DNAH2: variants seen among roughly 807,000 people sequenced by gnomAD.
DNAH2 encodes the protein dynein axonemal heavy chain 2.
Under a neutral mutation model 523.5 loss-of-function variants are expected in DNAH2, and 323 were observed. That is an observed-to-expected ratio of 0.62 (90% CI 0.56 to 0.68). The LOEUF is 0.68. DNAH2 is among the 30% of genes least tolerant of loss of function. The pLI is 0.00. For synonymous variants in DNAH2, 2,093 were observed against 2,177.4 expected (o/e 0.96, Z 1.08); for missense variants, 4,907 against 5,701.5 (o/e 0.86, Z 4.49).
intron 2 of DNAH2, 115 bp from the exon 3 acceptor site, chr17:7,723,513 C>G: frequency 2.5e-6 from 2 of 789,140 alleles, no homozygotes; most frequent in African/African-American, 3.4e-5. Flanking sequence ...CTCAGGTGAT[C>G]CTCCCGCCTA....
Position 7,776,786 on chromosome 17 carries a change from T to A in DNAH2, c.4955T>A (p.Ile1652Asn), listed in dbSNP as rs1167851189. Residue 1652 changes from isoleucine (I) to asparagine (N), a missense_variant, in exon 32 of 86, where the codon ATC (isoleucine) becomes AAC (asparagine). Ile to Asn is a moderately radical substitution (Grantham distance 149). This residue lies in a region of DNAH2 where 2,806 missense variants were observed against 3,190.8 expected (regional missense o/e 0.88). Coordinates refer to ENST00000572933, the MANE Select transcript of DNAH2 (RefSeq NM_020877.5). Reference sequence around the variant, plus strand: ...GCTTCTGCACATCCCCAGGTGGTGATCACTGCCAGTCAGATCCAGTGGACG... The same window carrying A: ...GCTTCTGCACATCCCCAGGTGGTGAACACTGCCAGTCAGATCCAGTGGACG... ...WVKEWAGQVV[I>N]TASQIQWTAD... 1 of 1,612,156 alleles carries A rather than the reference T, an allele frequency of 6.2e-7. No individual in the cohort carries two copies. The highest frequency in any genetic ancestry group is 8.5e-7 in the Non-Finnish European group (1 of 1,178,842).
In DNAH2 at chr17:7,794,300, C is replaced by A. The variant is rs1238214414; in HGVS notation, c.7616C>A (p.Thr2539Asn). Reference protein sequence around the residue: ...AAMGPPGGGRTVISPRLRSRF... With the variant: ...AAMGPPGGGRNVISPRLRSRF... Reference sequence around the variant, plus strand: ...ATGGGCCCCCCTGGGGGTGGACGGACTGTCATCTCCCCAAGGCTACGGAGT... The same window carrying A: ...ATGGGCCCCCCTGGGGGTGGACGGAATGTCATCTCCCCAAGGCTACGGAGT... Residue 2539 changes from threonine to asparagine, a missense_variant, in exon 49 of 86, where the codon ACT becomes AAT. Transcript: ENST00000572933. The A allele has an allele frequency of 3.7e-6, 6 of 1,610,320 alleles. No individual in the cohort carries two copies. In the African/African-American group the frequency reaches 6.7e-5, roughly 18 times the overall value.
rs900091887 is a variant in DNAH2, at chr17:7,771,475, G to A, written c.4501+7G>A. 3 of 1,613,640 alleles carry A rather than the reference G, an allele frequency of 1.9e-6. No homozygotes were observed. The highest frequency in any genetic ancestry group is 1.3e-5 in the African/African-American group (1 of 74,908). On this transcript the variant is annotated splice_region_variant and intron_variant, in intron 28 of 85. Coordinates refer to ENST00000572933, the MANE Select transcript of DNAH2 (RefSeq NM_020877.5). ...CGGAGCACCCATCACCCAGGTCAGA[G>A]CTCCAGGGCTCCTGCCCTGACACAG...
At chr17:7,731,694 G>A (rs112905434) in intron 4 of DNAH2, among the ~76,000 whole-genome samples, 2,394 of 151,914 alleles carry the variant, frequency 0.016, 36 homozygotes, top group African/African-American at 0.033. Flanking sequence ...TATATTTAAC[G>A]TATGTCATCT....
At position 7,733,098 on chromosome 17, in the gene DNAH2, G is replaced by T. The variant is rs1166745294; in HGVS notation, c.411G>T (p.Gln137His). Residue 137 changes from glutamine (Q) to histidine (H), a missense_variant, in exon 5 of 86, where the codon CAG (glutamine) becomes CAT (histidine). Coordinates refer to ENST00000572933, the MANE Select transcript of DNAH2 (RefSeq NM_020877.5). ...TGTCTTCCATGCAGACCCAGAACCA[G>T]CTTGTCTACTTCATTCGCCAAGCAC... is the stretch of plus-strand genomic sequence containing the variant. ...ELGMPVQTQN[Q>H]LVYFIRQAPV... 2 of 1,614,038 alleles carry T rather than the reference G, an allele frequency of 1.2e-6. No individual in the cohort carries two copies. The highest frequency in any genetic ancestry group is 2.2e-5 in the East Asian group (1 of 44,902).
intron 4 of DNAH2, among the ~76,000 whole-genome samples, chr17:7,730,704 C>T (rs79411025): frequency 0.014 from 2,197 of 152,128 alleles, 43 homozygotes; most frequent in African/African-American, 0.05. Flanking sequence ...ATATCAATGC[C>T]ATGAGACAAT....
intron 65 of DNAH2, 61 bp downstream of exon 65, chr17:7,817,476 TG>T: frequency 6.2e-7 from 1 of 1,613,142 alleles, no homozygotes; most frequent in Non-Finnish European, 8.5e-7. Flanking sequence ...GCAGGACCTT[TG>T]GGAATATTAA....
chr17:7,811,285 A>G (rs1378909095), intron 63 of DNAH2, among the ~76,000 whole-genome samples: 1 of 152,250 alleles, frequency 6.6e-6, no homozygotes, highest in Non-Finnish European at 1.5e-5. Flanking sequence ...AAATTTGAAT[A>G]TAACCCCTAG....
intron 63 of DNAH2, among the ~76,000 whole-genome samples, chr17:7,816,057 G>T (rs1045009570): frequency 5.3e-5 from 8 of 152,188 alleles, no homozygotes; most frequent in Non-Finnish European, 1.0e-4. Flanking sequence ...GCCTTGGCTT[G>T]CCAAAGTATT....
chr17:7,741,786 T>C (rs1056393150), intron 11 of DNAH2, among the ~76,000 whole-genome samples: 6 of 151,896 alleles, frequency 4.0e-5, no homozygotes. Context: ...TGCCTTAGCC[T>C]CTCAGGAGCT....
chr17:7,800,226 CT>C (rs2077184990), intron 56 of DNAH2, among the ~76,000 whole-genome samples: 1 of 152,016 alleles, frequency 6.6e-6, no homozygotes, highest in African/African-American at 2.4e-5. Context: ...AATTTTTGTA[CT>C]TTTAGTAGAG....
At position 7,754,824 on chromosome 17, in the gene DNAH2, G is replaced by A. The variant is rs935249195; in HGVS notation, c.1905-2267G>A. On this transcript the variant is annotated intron_variant, in intron 12 of 85. Transcript: ENST00000572933. This position sits in a 1 kb window ranked among gnomAD's most constrained non-coding sequence, Gnocchi z 4.6. ...AGTTTCAGCTCAGGCTCCCAAAGCT[G>A]CCCAGTGCCCTACAAAGACTTCAGA... is the stretch of plus-strand genomic sequence containing the variant. 1.4e-6 allele frequency: 1 copy of A among 714,406 alleles called. No individual in the cohort carries two copies. The highest frequency in any genetic ancestry group is 2.5e-6 in the Non-Finnish European group (1 of 399,666). 44.3% of individuals were successfully genotyped at this position (714,406 alleles called of 1,614,324 possible).
At position 7,770,355 on chromosome 17, in the gene DNAH2, G is replaced by T; in HGVS notation, c.4045G>T (p.Glu1349Ter). 4 of 1,614,080 alleles carry T rather than the reference G, an allele frequency of 2.5e-6. No individual in the cohort carries two copies. Among genetic ancestry groups the T allele is most frequent in the Non-Finnish European group, 2.5e-6 (3 of 1,180,012 alleles). Residue 1349 changes from glutamate (E) to a stop codon, truncating the protein, a stop_gained, in exon 25 of 86, where the codon GAG (glutamate) becomes TAG (stop). Coordinates refer to ENST00000572933, the MANE Select transcript of DNAH2 (RefSeq NM_020877.5). LOFTEE classifies it high-confidence loss of function. ...IVELGMDQHV[E>*]KIGEISASAT... ...GGAGCTTGGGATGGATCAGCATGTGGAGAAAATTGGGGAGATCTCTGCTTC... is the reference window on the plus strand; with the variant it reads ...GGAGCTTGGGATGGATCAGCATGTGTAGAAAATTGGGGAGATCTCTGCTTC...
At chr17:7,736,400 C>T (rs941005307) in intron 7 of DNAH2, among the ~76,000 whole-genome samples, 1 of 152,064 alleles carries the variant, frequency 6.6e-6, no homozygotes, top group Non-Finnish European at 1.5e-5. Flanking sequence ...ACTATGGGGA[C>T]GAATGAGAGT....
intron 49 of DNAH2, among the ~76,000 whole-genome samples, chr17:7,794,587 G>A (rs2077012625): frequency 6.6e-6 from 1 of 152,250 alleles, no homozygotes; most frequent in East Asian, 1.9e-4. Context: ...GTCCCAATGG[G>A]CAGAGAACAC....
Position 7,824,519 on chromosome 17 carries a change from C to G in DNAH2, c.11663-18C>G. 6.6e-7 allele frequency: 1 copy of G among 1,524,964 alleles called. No individual in the cohort carries two copies. Among genetic ancestry groups the G allele is most frequent in the Non-Finnish European group, 8.9e-7 (1 of 1,127,048 alleles). The allele number at this position is 1,524,964 out of a possible 1,614,324, so 94.5% of individuals were successfully genotyped here. A position where few individuals can be genotyped will look rare whatever the true frequency, so the allele number is the denominator to read the frequency against. On this transcript the variant is annotated intron_variant, in intron 76 of 85. Coordinates refer to ENST00000572933, the MANE Select transcript of DNAH2 (RefSeq NM_020877.5). The stretch of plus-strand genomic sequence containing the variant: ...GGCTTAGGAAATGATTCCCACTGAC[C>G]CTGGCATCTCCTTGCAGGACACTGG...
At chr17:7,814,185 CAAA>C (rs59214536) in intron 63 of DNAH2, among the ~76,000 whole-genome samples, 1,150 of 101,438 alleles carry the variant, frequency 0.011, 9 homozygotes, top group African/African-American at 0.03. Flanking sequence ...CACTATTCTC[CAAA>C]AAAAAAAAAA....
chr17:7,748,806 G>A (rs1371164141), intron 12 of DNAH2, among the ~76,000 whole-genome samples: 2 of 150,002 alleles, frequency 1.3e-5, no homozygotes, highest in South Asian at 4.2e-4. Context: ...TCGCCACACA[G>A]ATTTTTTTTT....
rs1171071450 is a variant in DNAH2 at position 7,798,098 on chromosome 17, T to C, written c.8231-59T>C. ...GGGCCCCAATCCCTAGCCTAGGGCC[T>C]GGAGGTCCCCTGAGTTTGCTCAGCC... On this transcript the variant is annotated intron_variant, in intron 53 of 85. Transcript: ENST00000572933. The surrounding 1 kb of genome is among the most constrained non-coding windows in gnomAD (Gnocchi z 5.5). 1 of 1,526,752 alleles carries C rather than the reference T, an allele frequency of 6.5e-7. No homozygotes were observed. The highest frequency in any genetic ancestry group is 1.4e-5 in the African/African-American group (1 of 72,578). 94.6% of individuals were successfully genotyped at this position (1,526,752 alleles called of 1,614,324 possible). A position where few individuals can be genotyped will look rare whatever the true frequency, so the allele number is the denominator to read the frequency against.
Sources: allele counts gnomAD v4.1 joint callset (sites outside exome capture counted in the v4.1 genomes callset), GRCh38; gene constraint gnomAD v4.1.1; regional missense constraint gnomAD v4.1.1; non-coding constraint Gnocchi (gnomAD v3.1); transcripts MANE v1.5; gene names NCBI Gene and HGNC (gene_info 2026-07-23, HGNC 2026-07-21).